The following FAM151B variants were observed in gnomAD, a reference collection of about 807,000 sequenced individuals.
FAM151B encodes protein FAM151B.
FAM151B carries 24 observed loss-of-function variants against 31.2 expected under a neutral mutation model. That is an observed-to-expected ratio of 0.77 (90% CI 0.56 to 1.08). The LOEUF is 1.08. Ranked by LOEUF, FAM151B falls within the 50% of genes least tolerant of loss-of-function variation. The pLI is 0.00. For synonymous variants in FAM151B, 105 were observed against 111.4 expected, an observed-to-expected ratio of 0.94 and a Z score of 0.36; for missense variants, 293 against 328.6, an observed-to-expected ratio of 0.89 and a Z score of 0.84.
At position 80,535,280 on chromosome 5, in the gene FAM151B, A is replaced by C. The variant is rs140388054; in HGVS notation, c.672-6393A>C. Among the ~76,000 whole-genome samples, 673 of 152,330 alleles carry C rather than the reference A, an allele frequency of 4.4e-3. 1 individual carries two copies. Among genetic ancestry groups the C allele is most frequent in the African/African-American group, 0.015 (632 of 41,586 alleles). Reference sequence around the variant, plus strand: ...ACTGTATATGGAACCACAAAGGCCCAGAATAGCCGAAGTTGTCCTAAGCAA... The same window carrying C: ...ACTGTATATGGAACCACAAAGGCCCCGAATAGCCGAAGTTGTCCTAAGCAA... On this transcript the variant is annotated intron_variant, in intron 5 of 5. Coordinates refer to ENST00000282226, the MANE Select transcript of FAM151B (RefSeq NM_205548.3).
chr5:80,498,556 AG>A (rs1743631066), intron 1 of FAM151B: 1 of 1,076,682 alleles, frequency 9.3e-7, no homozygotes, highest in Non-Finnish European at 1.4e-6. Context: ...TTGTTGAAGC[AG>A]TAAGTCAGAC....
chr5:80,505,455 C>T (rs1384939848), intron 2 of FAM151B, among the ~76,000 whole-genome samples: 1 of 150,408 alleles, frequency 6.6e-6, no homozygotes, highest in Non-Finnish European at 1.5e-5. Context: ...AGTGCAGTGG[C>T]ACGATCTCGG....
At position 80,522,158 on chromosome 5, in the gene FAM151B, A is replaced by G; in HGVS notation, c.671+20A>G. The G allele has an allele frequency of 6.2e-7, 1 of 1,604,624 alleles. No homozygotes were observed. The highest frequency in any genetic ancestry group is 1.1e-5 in the South Asian group (1 of 90,326). ...AAACAGGTATGTAATAGTTTAACAA[A>G]TGTGTATGTGAGTGTGTATGAGAGA... On this transcript the variant is annotated intron_variant, in intron 5 of 5. Transcript: ENST00000282226.
intron 1 of FAM151B, chr5:80,500,753 G>A: frequency 1.2e-5 from 14 of 1,140,312 alleles, no homozygotes; most frequent in Non-Finnish European, 1.7e-5. Flanking sequence ...TATATAGCAT[G>A]GGGGTACCCA....
chr5:80,526,344 A>T (rs1046503440), intron 5 of FAM151B, among the ~76,000 whole-genome samples: 1 of 151,772 alleles, frequency 6.6e-6, no homozygotes, highest in Non-Finnish European at 1.5e-5. Flanking sequence ...ACAGTGTCTC[A>T]TGTGTGTAAT....
At chr5:80,517,794 A>T (rs918531358) in intron 3 of FAM151B, among the ~76,000 whole-genome samples, 1 of 152,142 alleles carries the variant, frequency 6.6e-6, no homozygotes, top group African/African-American at 2.4e-5. Flanking sequence ...GATATTGGCC[A>T]GGTGCGGTGG....
In FAM151B at chr5:80,511,606, TA is replaced by T. The variant is rs199561479; in HGVS notation, c.152-1990del. On this transcript the variant is annotated intron_variant, in intron 2 of 5. Coordinates refer to ENST00000282226, the MANE Select transcript of FAM151B (RefSeq NM_205548.3). ...TGCCCACTATTTTATTATTTATCTT[TA>T]AAAAAAATTTTTTTTTGAGACAGGA... Among the ~76,000 whole-genome samples the T allele has an allele frequency of 3.9e-5, 6 of 151,942 alleles. 1 individual carries two copies. The highest frequency in any genetic ancestry group is 1.2e-4 in the African/African-American group (5 of 41,342).
chr5:80,500,366 G>A (rs1743698882), intron 1 of FAM151B: 17 of 1,178,316 alleles, frequency 1.4e-5, no homozygotes, highest in Non-Finnish European at 1.9e-5. Flanking sequence ...GAAGGTTCCT[G>A]CTGTGCCAGA....
intron 5 of FAM151B, among the ~76,000 whole-genome samples, chr5:80,528,315 C>A (rs1745063627): frequency 6.6e-6 from 1 of 151,830 alleles, no homozygotes; most frequent in Non-Finnish European, 1.5e-5. Context: ...GAAGGCAAGA[C>A]CACAAAATAA....
intron 5 of FAM151B, among the ~76,000 whole-genome samples, chr5:80,532,127 C>A (rs147517330): frequency 0.13 from 18,843 of 149,896 alleles, 1,439 homozygotes; most frequent in Middle Eastern, 0.25. Flanking sequence ...GGACAAAAAA[C>A]CAAACACTGT....
intron 1 of FAM151B, among the ~76,000 whole-genome samples, chr5:80,489,487 C>T (rs778893514): frequency 2.8e-4 from 42 of 152,198 alleles, no homozygotes; most frequent in Non-Finnish European, 5.6e-4. Context: ...ACAAAGCTCA[C>T]ACTCAAGACT....
chr5:80,504,255 G>A (rs138402419), intron 2 of FAM151B, among the ~76,000 whole-genome samples: 340 of 152,068 alleles, frequency 2.2e-3, no homozygotes, highest in African/African-American at 7.7e-3. Context: ...CTTTATTCTT[G>A]TATCTAATAT....
intron 1 of FAM151B, among the ~76,000 whole-genome samples, chr5:80,492,283 G>A (rs931796677): frequency 6.6e-6 from 1 of 151,744 alleles, no homozygotes; most frequent in African/African-American, 2.4e-5. Context: ...TCACATTTTG[G>A]GAATTCTTGC....
At chr5:80,504,970 G>A (rs1359092957) in intron 2 of FAM151B, among the ~76,000 whole-genome samples, 1 of 152,146 alleles carries the variant, frequency 6.6e-6, no homozygotes, top group Non-Finnish European at 1.5e-5. Flanking sequence ...TGGCCATAGG[G>A]TGAAAGAACA....
rs149585845 is a variant in FAM151B, at chr5:80,521,212, C to G, written c.536-791C>G. Among the ~76,000 whole-genome samples the G allele has an allele frequency of 6.2e-4, 92 of 147,700 alleles. 1 individual carries two copies. The highest frequency in any genetic ancestry group is 2.1e-3 in the African/African-American group (86 of 40,526). On this transcript the variant is annotated intron_variant, in intron 4 of 5. Coordinates refer to ENST00000282226, the MANE Select transcript of FAM151B (RefSeq NM_205548.3). ...CCATCATGGCTCACTGCACCTTCAA[C>G]CTCCTGGGCTCAAGTGATCCTCCCA...
At chr5:80,513,562 C>G in intron 2 of FAM151B, 42 bp from the exon 3 acceptor site, 1 of 1,577,808 alleles carries the variant, frequency 6.3e-7, no homozygotes. Flanking sequence ...AGTTCTGTGC[C>G]CTGTTTTCTT....
At chr5:80,504,965 A>G (rs1385156360) in intron 2 of FAM151B, among the ~76,000 whole-genome samples, 2 of 152,188 alleles carry the variant, frequency 1.3e-5, no homozygotes, top group Admixed American at 6.5e-5. Flanking sequence ...AAGTTTGGCC[A>G]TAGGGTGAAA....
Position 80,541,943 on chromosome 5 carries a change from T to A in FAM151B, c.*111T>A. 1 of 1,175,934 alleles carries A rather than the reference T, an allele frequency of 8.5e-7. No homozygotes were observed. The highest frequency in any genetic ancestry group is 1.2e-6 in the Non-Finnish European group (1 of 846,434). 72.8% of individuals were successfully genotyped at this position (1,175,934 alleles called of 1,614,324 possible). The stretch of plus-strand genomic sequence containing the variant: ...TTATTGATTGACGTTCCAAGTCATC[T>A]AATCAAGAAACGTTTATTGTATGCT... On this transcript the variant is annotated 3_prime_UTR_variant, in exon 6 of 6. Transcript: ENST00000282226.
intron 1 of FAM151B, chr5:80,501,373 A>T (rs993130211): frequency 1.6e-6 from 2 of 1,261,480 alleles, no homozygotes; most frequent in South Asian, 1.2e-5. Flanking sequence ...GGAGGACCAG[A>T]TCAACAGGCT....
Sources: allele counts gnomAD v4.1 joint callset (sites outside exome capture counted in the v4.1 genomes callset), GRCh38; gene constraint gnomAD v4.1.1; transcripts MANE v1.5; gene names NCBI Gene and HGNC (gene_info 2026-07-23, HGNC 2026-07-21).